ADAMTSL1: variants seen among roughly 807,000 people sequenced by gnomAD.
The protein encoded by ADAMTSL1 is ADAMTS like 1, also known as ADAMTS-like protein 1.
In ADAMTSL1, 126 loss-of-function variants were observed where a neutral mutation model predicts 201.8. The ratio of observed to expected loss-of-function variants is 0.62; its 90% confidence interval spans 0.54 to 0.72. The LOEUF is 0.72. Among genes scored for constraint, ADAMTSL1 ranks in the 30% least tolerant of loss-of-function variants. The pLI, the probability that ADAMTSL1 is intolerant of heterozygous loss-of-function variation, is 0.00. For synonymous variants in ADAMTSL1, 1,121 were observed against 903.4 expected (o/e 1.24, Z -4.32); for missense variants, 2,679 against 2,277.8 (o/e 1.18, Z -3.59).
Position 18,721,538 on chromosome 9 carries a change from G to T in ADAMTSL1, c.1879G>T (p.Val627Phe). 6.2e-7 allele frequency: 1 copy of T among 1,613,896 alleles called. No homozygotes were observed. Among genetic ancestry groups the T allele is most frequent in the Non-Finnish European group, 8.5e-7 (1 of 1,179,866 alleles). ...CTGACCGTGTGATTTGTACACAGGTGTCCAGGAGGCTGTGGTGAGCTGCTT... is the reference window on the plus strand; with the variant it reads ...CTGACCGTGTGATTTGTACACAGGTTTCCAGGAGGCTGTGGTGAGCTGCTT... ...TKCSESCGGGVQEAVVSCLNK... is the reference protein window; with the variant it reads ...TKCSESCGGGFQEAVVSCLNK... The change falls in exon 15 of 29, where the codon GTC becomes TTC. Residue 627 changes from valine to phenylalanine, a missense_variant and splice_region_variant. Transcript: ENST00000380548.
At position 18,779,357 on chromosome 9, in the gene ADAMTSL1, C is replaced by G. The variant is rs74565851; in HGVS notation, c.3677+1451C>G. On this transcript the variant is annotated intron_variant, in intron 19 of 28. Transcript: ENST00000380548. ...GCCTTAGTACTTATAGACCAAATAC[C>G]TTTGATAACAATACTAAGTATTATT... Among the ~76,000 whole-genome samples the G allele has an allele frequency of 4.9e-3, 752 of 152,220 alleles. 2 individuals are homozygous for G. The highest frequency in any genetic ancestry group is 0.025 in the South Asian group (120 of 4,818).
intron 23 of ADAMTSL1, among the ~76,000 whole-genome samples, chr9:18,833,683 C>A (rs10963789): frequency 0.17 from 25,191 of 151,982 alleles, 2,512 homozygotes; most frequent in East Asian, 0.3. Context: ...GTTGTGCAGA[C>A]GCTCTTTAAT....
intron 17 of ADAMTSL1, among the ~76,000 whole-genome samples, chr9:18,774,266 G>A (rs548695885): frequency 2.0e-5 from 3 of 151,976 alleles, no homozygotes; most frequent in East Asian, 3.9e-4. Context: ...CCTCTTCAGT[G>A]GCTTCCCACT....
In ADAMTSL1 at chr9:18,504,874, G is replaced by T. The variant is rs376196071; in HGVS notation, c.109G>T (p.Asp37Tyr). 6.2e-5 allele frequency: 100 copies of T among 1,613,794 alleles called. No individual in the cohort carries two copies. Among genetic ancestry groups the T allele is most frequent in the Non-Finnish European group, 8.2e-5 (97 of 1,179,988 alleles). ...CGAGGAGGACCGGGACGGCCTATGG[G>T]ATGCCTGGGGCCCATGGAGTGAATG... ...RSEEDRDGLW[D>Y]AWGPWSECSR... The change falls in exon 2 of 29, where the codon GAT becomes TAT. Residue 37 changes from aspartate (D) to tyrosine (Y), a missense_variant. Coordinates refer to ENST00000380548, the MANE Select transcript of ADAMTSL1 (RefSeq NM_001040272.6).
At chr9:18,223,924 T>A (rs1447514696) in intron 2 of ADAMTSL1, among the ~76,000 whole-genome samples, 4 of 152,156 alleles carry the variant, frequency 2.6e-5, no homozygotes, top group Non-Finnish European at 5.9e-5. Flanking sequence ...TGGTAGGCAT[T>A]TGGGATCATT....
chr9:18,427,810 G>A (rs920068974), intron 2 of ADAMTSL1, among the ~76,000 whole-genome samples: 5 of 152,242 alleles, frequency 3.3e-5, no homozygotes, highest in African/African-American at 1.2e-4. Flanking sequence ...AAGCAGAGGC[G>A]GAGCCTGCTC....
At chr9:18,169,211 C>A (rs1381787438) in intron 2 of ADAMTSL1, among the ~76,000 whole-genome samples, 1 of 151,746 alleles carries the variant, frequency 6.6e-6, no homozygotes, top group Non-Finnish European at 1.5e-5. Context: ...ATGCCTATGT[C>A]CTGAATGGTG....
At chr9:18,620,653 C>G (rs946565591) in intron 4 of ADAMTSL1, among the ~76,000 whole-genome samples, 1 of 152,138 alleles carries the variant, frequency 6.6e-6, no homozygotes, top group Non-Finnish European at 1.5e-5. Context: ...GGATGAAATT[C>G]GGTTGCTTTC....
chr9:18,307,021 T>G (rs200142622), intron 2 of ADAMTSL1, among the ~76,000 whole-genome samples: 7 of 152,050 alleles, frequency 4.6e-5, no homozygotes, highest in African/African-American at 1.7e-4. Flanking sequence ...CAAGCCAGAA[T>G]AGAGTGGGGG....
intron 20 of ADAMTSL1, among the ~76,000 whole-genome samples, chr9:18,796,977 G>A (rs1485749716): frequency 6.6e-6 from 1 of 152,124 alleles, no homozygotes; most frequent in Non-Finnish European, 1.5e-5. Context: ...CAGACTAAAT[G>A]CCCTTTGTTC....
In ADAMTSL1 at chr9:18,299,026, AT is replaced by A. The variant is rs769794378; in HGVS notation, c.207+135046del. ...GACTCCGTCTCAAAAAAAAAAAATA[AT>A]AATAATAATAATAATAGCCGCCGTT... On this transcript the variant is annotated intron_variant, in intron 2 of 29. Transcript: ENST00000680146. Among the ~76,000 whole-genome samples, 18 of 148,374 alleles carry A rather than the reference AT, an allele frequency of 1.2e-4. 1 individual carries two copies. The highest frequency in any genetic ancestry group is 2.7e-4 in the African/African-American group (11 of 40,596).
intron 3 of ADAMTSL1, among the ~76,000 whole-genome samples, chr9:18,568,082 G>A (rs2132323323): frequency 6.6e-6 from 1 of 152,188 alleles, no homozygotes; most frequent in Non-Finnish European, 1.5e-5. Context: ...TCAAACTGTG[G>A]GTGACTGTGT....
intron 1 of ADAMTSL1, among the ~76,000 whole-genome samples, chr9:18,015,863 A>T (rs1400231811): frequency 6.6e-6 from 1 of 151,978 alleles, no homozygotes; most frequent in Non-Finnish European, 1.5e-5. Flanking sequence ...TCCTCAAGAG[A>T]TTGTAATGTG....
intron 1 of ADAMTSL1, among the ~76,000 whole-genome samples, chr9:17,926,611 A>G (rs1239473148): frequency 1.3e-5 from 2 of 152,200 alleles, no homozygotes; most frequent in Admixed American, 6.5e-5. Flanking sequence ...CACTTTGGCA[A>G]TCTCCTGCCA....
intron 1 of ADAMTSL1, chr9:17,907,022 C>G (rs1825742940): frequency 6.6e-6 from 1 of 152,646 alleles, no homozygotes; most frequent in Non-Finnish European, 1.5e-5. Flanking sequence ...CTCTCTTCCG[C>G]GAAGGTCCAT....
At chr9:18,192,156 A>G (rs1000153312) in intron 2 of ADAMTSL1, among the ~76,000 whole-genome samples, 31 of 152,214 alleles carry the variant, frequency 2.0e-4, no homozygotes, top group African/African-American at 7.5e-4. Context: ...TTTGTTGCTG[A>G]CCTTTCTACT....
chr9:18,034,836 A>G (rs1821123582), intron 1 of ADAMTSL1, among the ~76,000 whole-genome samples: 1 of 152,198 alleles, frequency 6.6e-6, no homozygotes, highest in Non-Finnish European at 1.5e-5. Flanking sequence ...TTATTTTTAT[A>G]AAGGAAAAGT....
rs1820647880 is a variant in ADAMTSL1, at chr9:18,770,788, A to G, written c.2397+7A>G. On this transcript the variant is annotated splice_region_variant and intron_variant, in intron 17 of 28. Coordinates refer to ENST00000380548, the MANE Select transcript of ADAMTSL1 (RefSeq NM_001040272.6). ...TCTCTCAGACTGGACAGAGGTATGT[A>G]TGTTCCTCCGAAGAGAATGAAAGAG... 6.2e-7 allele frequency: 1 copy of G among 1,612,946 alleles called. No homozygotes were observed. The highest frequency in any genetic ancestry group is 8.5e-7 in the Non-Finnish European group (1 of 1,179,282).
At position 17,936,493 on chromosome 9, in the gene ADAMTSL1, C is replaced by T. The variant is rs117796984; in HGVS notation, c.87+29571C>T. ...GACCTCAGGCGAGTCTAGTAGCCTT[C>T]GTTTCCCTTCCGTAAAGGCAGGAGG... On this transcript the variant is annotated intron_variant, in intron 1 of 29. Coordinates refer to the ADAMTSL1 transcript ENST00000680146. Among the ~76,000 whole-genome samples the T allele has an allele frequency of 4.9e-3, 745 of 152,252 alleles. 5 individuals are homozygous for T. The highest frequency in any genetic ancestry group is 0.024 in the South Asian group (115 of 4,824).
Sources: allele counts gnomAD v4.1 joint callset (sites outside exome capture counted in the v4.1 genomes callset), GRCh38; gene constraint gnomAD v4.1.1; transcripts MANE v1.5; gene names NCBI Gene and HGNC (gene_info 2026-07-23, HGNC 2026-07-21).